TRAF3: variants seen among roughly 807,000 people sequenced by gnomAD.
TRAF3 encodes TNF receptor associated factor 3.
In TRAF3, 13 loss-of-function variants were observed where a neutral mutation model predicts 62.3. The ratio of observed to expected loss-of-function variants is 0.21; its 90% confidence interval spans 0.14 to 0.33. TRAF3 has a LOEUF of 0.33. Ranked by LOEUF, TRAF3 falls within the 10% of genes least tolerant of loss-of-function variation. The pLI is 1.00. For synonymous variants in TRAF3, 269 were observed against 283.4 expected, an observed-to-expected ratio of 0.95 and a Z score of 0.51; for missense variants, 440 against 741.8, an observed-to-expected ratio of 0.59 and a Z score of 4.73.
chr14:102,906,506 AAG>A lies in TRAF3; in HGVS notation c.*726_*727del, dbSNP rs1242162718. On this transcript the variant is annotated 3_prime_UTR_variant, in exon 12 of 12. Coordinates refer to ENST00000392745, the MANE Select transcript of TRAF3 (RefSeq NM_145725.3). ...ACACTGGTTATCACTTGTGATAGGA[AAG>A]AGAATATTCAACCTGTTGTTATTTC... The A allele has an allele frequency of 6.6e-6, 1 of 152,272 alleles. No homozygotes were observed. Among genetic ancestry groups the A allele is most frequent in the African/African-American group, 2.4e-5 (1 of 41,478 alleles). 9.4% of individuals were successfully genotyped at this position (152,272 alleles called of 1,614,324 possible).
At chr14:102,777,771 G>A (rs1021583274) in intron 1 of TRAF3, 96 bp downstream of exon 1, 69 of 145,098 alleles carry the variant, frequency 4.8e-4, no homozygotes, top group African/African-American at 1.6e-3. Context: ...CGGGGCCCGG[G>A]GGCCTCGGGG....
chr14:102,846,972 T>C (rs1759375509), intron 2 of TRAF3, among the ~76,000 whole-genome samples: 1 of 152,190 alleles, frequency 6.6e-6, no homozygotes, highest in Admixed American at 6.5e-5. Context: ...AATAACTTCA[T>C]GAAACGGTAT....
intron 1 of TRAF3, among the ~76,000 whole-genome samples, chr14:102,810,192 T>G (rs951319205): frequency 6.6e-6 from 1 of 152,060 alleles, no homozygotes; most frequent in East Asian, 1.9e-4. Flanking sequence ...CCCCTACAAC[T>G]GTAATGTTTG....
At chr14:102,883,648 C>T (rs1004646154) in intron 6 of TRAF3, among the ~76,000 whole-genome samples, 4 of 152,026 alleles carry the variant, frequency 2.6e-5, no homozygotes, top group South Asian at 2.1e-4. Flanking sequence ...TGCAATGGCA[C>T]GATCTTGGCT....
At chr14:102,798,661 G>C (rs1898229538) in intron 1 of TRAF3, among the ~76,000 whole-genome samples, 3 of 152,062 alleles carry the variant, frequency 2.0e-5, no homozygotes, top group Non-Finnish European at 4.4e-5. Context: ...TTTTTTTGTA[G>C]AGATGGGGCC....
intron 1 of TRAF3, among the ~76,000 whole-genome samples, chr14:102,829,827 G>A (rs1171785072): frequency 1.3e-5 from 2 of 152,144 alleles, no homozygotes; most frequent in Non-Finnish European, 2.9e-5. Flanking sequence ...TTTGCTGTTT[G>A]TTAGAAATAT....
chr14:102,795,619 T>TGTGTGTGTGTGTGC (rs767401587), intron 1 of TRAF3, among the ~76,000 whole-genome samples: 1 of 151,850 alleles, frequency 6.6e-6, no homozygotes, highest in Non-Finnish European at 1.5e-5. Flanking sequence ...TGTGTGTGTG[T>TGTGTGTGTGTGTGC]GCATAGTTTT....
Position 102,798,206 on chromosome 14 carries a change from C to T in TRAF3, c.-157+20531C>T, listed in dbSNP as rs546862390. Among the ~76,000 whole-genome samples, 198 of 152,046 alleles carry T rather than the reference C, an allele frequency of 1.3e-3. 2 individuals carry two copies. Among genetic ancestry groups the T allele is most frequent in the Middle Eastern group, 6.8e-3 (2 of 294 alleles). ...ACATTTAAGTGAGCACTGACCAAAT[C>T]TAGCTTAGTTCAGAAAACCCTTTTT... On this transcript the variant is annotated intron_variant, in intron 1 of 11. Transcript: ENST00000392745.
intron 1 of TRAF3, among the ~76,000 whole-genome samples, chr14:102,809,292 G>A (rs1042955921): frequency 2.0e-5 from 3 of 151,676 alleles, no homozygotes; most frequent in African/African-American, 4.8e-5. Flanking sequence ...GGCCGCACCC[G>A]GCTAATTTTT....
At chr14:102,896,521 C>T (rs146236627) in intron 9 of TRAF3, among the ~76,000 whole-genome samples, 114 of 152,234 alleles carry the variant, frequency 7.5e-4, no homozygotes, top group African/African-American at 2.6e-3. Flanking sequence ...AGGGCAAGTA[C>T]AGCTTTATGA....
chr14:102,886,296 G>A (rs1434963878), intron 7 of TRAF3, 27 bp downstream of exon 7: 2 of 1,590,066 alleles, frequency 1.3e-6, no homozygotes, highest in African/African-American at 1.3e-5. Flanking sequence ...CCGGCCGGGA[G>A]TCTGTGGAGT....
intron 9 of TRAF3, among the ~76,000 whole-genome samples, chr14:102,892,632 G>A (rs1445071617): frequency 6.6e-6 from 1 of 152,224 alleles, no homozygotes; most frequent in Non-Finnish European, 1.5e-5. Context: ...TGGTGAATTA[G>A]AACAGCCAGT....
intron 1 of TRAF3, among the ~76,000 whole-genome samples, chr14:102,817,665 G>A (rs1458853242): frequency 6.6e-6 from 1 of 152,148 alleles, no homozygotes; most frequent in Non-Finnish European, 1.5e-5. Context: ...GGTATGCTAT[G>A]GAGTTAAAGG....
chr14:102,866,510 A>G (rs2056057795), intron 2 of TRAF3, among the ~76,000 whole-genome samples: 1 of 152,186 alleles, frequency 6.6e-6, no homozygotes, highest in Admixed American at 6.5e-5. Context: ...ATAGATGGGG[A>G]ATCTCCCCAA....
At chr14:102,803,659 C>T (rs1898584872) in intron 1 of TRAF3, among the ~76,000 whole-genome samples, 1 of 151,802 alleles carries the variant, frequency 6.6e-6, no homozygotes, top group Non-Finnish European at 1.5e-5. Flanking sequence ...GATCCTCCTG[C>T]TTCAGCCTCC....
intron 2 of TRAF3, among the ~76,000 whole-genome samples, chr14:102,852,916 CAG>C (rs1321204562): frequency 6.6e-5 from 10 of 151,734 alleles, no homozygotes; most frequent in African/African-American, 2.2e-4. Flanking sequence ...TTTTTTGAGA[CAG>C]AGTCTCACTC....
At position 102,836,984 on chromosome 14, in the gene TRAF3, A is replaced by G. The variant is rs76729299; in HGVS notation, c.-18+6512A>G. ...AGCTGTAACTGTGACAGAGTAGCGC[A>G]GCACAGTCCTTCCATTCTCCCCTTG... On this transcript the variant is annotated intron_variant, in intron 2 of 11. Transcript: ENST00000392745. Among the ~76,000 whole-genome samples, 72 of 152,278 alleles carry G rather than the reference A, an allele frequency of 4.7e-4. 1 individual carries two copies. In the East Asian group the frequency reaches 0.013, roughly 28 times the overall value.
chr14:102,833,959 A>T (rs1348254281), intron 2 of TRAF3, among the ~76,000 whole-genome samples: 2 of 147,972 alleles, frequency 1.4e-5, no homozygotes, highest in African/African-American at 5.0e-5. Flanking sequence ...ACTGCACTCC[A>T]GCCTGGGCAA....
intron 6 of TRAF3, among the ~76,000 whole-genome samples, chr14:102,881,395 CA>C (rs57546209): frequency 0.48 from 56,843 of 117,380 alleles, 14,620 homozygotes; most frequent in African/African-American, 0.76. Flanking sequence ...ACAACAAAAA[CA>C]AAAAAAAAAA....
Sources: allele counts gnomAD v4.1 joint callset (sites outside exome capture counted in the v4.1 genomes callset), GRCh38; gene constraint gnomAD v4.1.1; transcripts MANE v1.5; gene names NCBI Gene and HGNC (gene_info 2026-07-23, HGNC 2026-07-21).